Variants in UCK2 observed in about 807,000 individuals in gnomAD.
The protein encoded by UCK2 is cytidine monophosphokinase 2.
Under a neutral mutation model 30.8 loss-of-function variants are expected in UCK2, and 6 were observed. That is an observed-to-expected ratio of 0.19 (90% confidence interval 0.11 to 0.38). The LOEUF (loss-of-function observed/expected upper bound fraction) is 0.38, where lower values mean the gene tolerates loss of function less well. Ranked by LOEUF, UCK2 falls within the 10% of genes least tolerant of loss-of-function variation. The pLI, the probability that UCK2 is intolerant of heterozygous loss-of-function variation, is 1.00. For synonymous variants in UCK2, 125 were observed against 133.6 expected (o/e 0.94, Z 0.45); for missense variants, 210 against 339.8 (o/e 0.62, Z 3.00).
Position 165,907,633 on chromosome 1 carries a change from C to CCCTGCACCCATG in UCK2, c.647-41_647-30dup, listed in dbSNP as rs776634247. 6 of 1,602,066 alleles carry CCCTGCACCCATG rather than the reference C, an allele frequency of 3.7e-6. No individual in the cohort carries two copies. The African/African-American group carries it at 8.0e-5, about 21-fold the overall frequency. On this transcript the variant is annotated intron_variant, in intron 6 of 6. Transcript: ENST00000367879. ...CCCCCAGACAGACTCCCACACTCAC[C>CCCTGCACCCATG]CCTGCACCCATGCCTGCACCCGTAA...
At chr1:165,828,634 C>G (rs945381639) in intron 1 of UCK2, among the ~76,000 whole-genome samples, 1 of 152,174 alleles carries the variant, frequency 6.6e-6, no homozygotes, top group Admixed American at 6.5e-5. Context: ...GCTCCAAGCT[C>G]TTCGGTGTCC....
chr1:165,871,165 T>G (rs566190698), intron 1 of UCK2, among the ~76,000 whole-genome samples: 121 of 152,300 alleles, frequency 7.9e-4, no homozygotes, highest in Non-Finnish European at 1.5e-3. Context: ...AGTGAATTTT[T>G]TGTGTGTGCG....
At position 165,835,060 on chromosome 1, in the gene UCK2, A is replaced by G. The variant is rs143659305; in HGVS notation, c.99+7128A>G. On this transcript the variant is annotated intron_variant, in intron 1 of 6. Coordinates refer to ENST00000367879, the MANE Select transcript of UCK2 (RefSeq NM_012474.5). Reference sequence around the variant, plus strand: ...GGGCTGTTTTGTCATCTCAGCTAGCATGCTCTGCTTTCCCTTGCCTGTCCT... The same window carrying G: ...GGGCTGTTTTGTCATCTCAGCTAGCGTGCTCTGCTTTCCCTTGCCTGTCCT... Among the ~76,000 whole-genome samples the G allele has an allele frequency of 4.0e-3, 610 of 152,128 alleles. 6 individuals carry two copies. The highest frequency in any genetic ancestry group is 0.014 in the African/African-American group (576 of 41,502).
intron 1 of UCK2, among the ~76,000 whole-genome samples, chr1:165,868,827 C>T (rs563707096): frequency 1.2e-4 from 18 of 152,292 alleles, no homozygotes; most frequent in African/African-American, 4.3e-4. Flanking sequence ...ATGAACTTTT[C>T]CTTTGCATTC....
intron 1 of UCK2, among the ~76,000 whole-genome samples, chr1:165,829,731 G>GA (rs1653995377): frequency 4.6e-5 from 7 of 152,248 alleles, no homozygotes; most frequent in African/African-American, 1.4e-4. Context: ...GGATGGGATA[G>GA]TGGTGAGCCA....
intron 1 of UCK2, among the ~76,000 whole-genome samples, chr1:165,860,099 C>T (rs930508109): frequency 6.6e-6 from 1 of 152,236 alleles, no homozygotes; most frequent in African/African-American, 2.4e-5. Context: ...GATCAGTCCT[C>T]TGTCCCCACC....
chr1:165,850,088 G>A (rs1160921721), intron 1 of UCK2, among the ~76,000 whole-genome samples: 1 of 152,182 alleles, frequency 6.6e-6, no homozygotes, highest in Non-Finnish European at 1.5e-5. Context: ...AAGTTGAGGA[G>A]ACTGAATTAA....
At chr1:165,844,236 C>T (rs887863183) in intron 1 of UCK2, among the ~76,000 whole-genome samples, 5 of 152,232 alleles carry the variant, frequency 3.3e-5, no homozygotes, top group African/African-American at 1.2e-4. Context: ...TATGCCTTCT[C>T]CTGCAGTGCC....
chr1:165,856,870 G>A (rs566392334), intron 1 of UCK2, among the ~76,000 whole-genome samples: 2 of 148,450 alleles, frequency 1.3e-5, no homozygotes, highest in Non-Finnish European at 1.5e-5. Flanking sequence ...AAGGATATGT[G>A]TTAAATATGG....
At chr1:165,899,216 C>T (rs374959637) in intron 4 of UCK2, among the ~76,000 whole-genome samples, 2 of 152,260 alleles carry the variant, frequency 1.3e-5, no homozygotes, top group East Asian at 3.9e-4. Context: ...TGGAAACTAC[C>T]TCCTTCCTGA....
At chr1:165,856,910 T>G (rs932936013) in intron 1 of UCK2, among the ~76,000 whole-genome samples, 7 of 150,682 alleles carry the variant, frequency 4.6e-5, no homozygotes, top group Non-Finnish European at 8.9e-5. Context: ...GGTTTTTTTT[T>G]TTTTTTTTTT....
At chr1:165,843,458 C>G (rs1440670903) in intron 1 of UCK2, among the ~76,000 whole-genome samples, 1 of 152,174 alleles carries the variant, frequency 6.6e-6, no homozygotes, top group Non-Finnish European at 1.5e-5. Context: ...AGGCTTTTAA[C>G]TTACTAAAAA....
At chr1:165,906,666 C>G (rs1647672936) in intron 6 of UCK2, among the ~76,000 whole-genome samples, 1 of 152,230 alleles carries the variant, frequency 6.6e-6, no homozygotes, top group African/African-American at 2.4e-5. Flanking sequence ...TAGCACCTGG[C>G]CCCATTGTTT....
At chr1:165,903,314 T>C (rs1480434519) in intron 5 of UCK2, 35 bp downstream of exon 5, 7 of 1,590,254 alleles carry the variant, frequency 4.4e-6, no homozygotes, top group South Asian at 1.1e-5. Context: ...TTGTTGAATG[T>C]AGAATTTAAA....
chr1:165,882,449 T>C (rs902415211), intron 1 of UCK2, among the ~76,000 whole-genome samples: 5 of 152,212 alleles, frequency 3.3e-5, no homozygotes, highest in African/African-American at 1.2e-4. Flanking sequence ...AAAGATAGTG[T>C]ACCTCATTAT....
intron 1 of UCK2, among the ~76,000 whole-genome samples, chr1:165,863,573 A>G (rs1019670717): frequency 6.6e-6 from 1 of 152,218 alleles, no homozygotes; most frequent in African/African-American, 2.4e-5. Context: ...GTGTGTTTGT[A>G]AGTTGGGGAC....
chr1:165,862,415 A>G (rs1043864257), intron 1 of UCK2, among the ~76,000 whole-genome samples: 3 of 152,152 alleles, frequency 2.0e-5, no homozygotes, highest in Admixed American at 2.0e-4. Context: ...GCGAATGAAG[A>G]TCATGGGAGG....
At chr1:165,901,875 C>T (rs892494859) in intron 4 of UCK2, among the ~76,000 whole-genome samples, 3 of 145,882 alleles carry the variant, frequency 2.1e-5, no homozygotes, top group African/African-American at 5.2e-5. Context: ...TTTGGGAGGC[C>T]GAGGCAGAAG....
intron 3 of UCK2, chr1:165,891,574 A>T: frequency 4.5e-6 from 2 of 441,970 alleles, no homozygotes. Context: ...GAAGGATGGG[A>T]TAGTGATTTC....
Sources: gnomAD v4.1 joint callset for allele counts (sites outside exome capture counted in the v4.1 genomes callset) on GRCh38, gnomAD v4.1.1 for gene constraint, MANE v1.5 for transcripts, NCBI Gene and HGNC (gene_info 2026-07-23, HGNC 2026-07-21) for gene names.